The following NPY2R variants were observed in gnomAD, a reference collection of about 807,000 sequenced individuals.
NPY2R encodes neuropeptide Y receptor type 2.
In NPY2R, 17 loss-of-function variants were observed where a neutral mutation model predicts 22.3. That is an observed-to-expected ratio of 0.76 (90% CI 0.52 to 1.14). NPY2R has a LOEUF of 1.14. Ranked by LOEUF, NPY2R falls within the 50% of genes most tolerant of loss-of-function variation. The pLI, the probability that NPY2R is intolerant of heterozygous loss-of-function variation, is 0.00. For missense variants in NPY2R, 424 were observed against 467.9 expected (o/e 0.91, Z 0.87); for synonymous variants, 209 against 183.4 (o/e 1.14, Z -1.13).
chr4:155,214,435 T>C lies in NPY2R; in HGVS notation c.496T>C (p.Phe166Leu). The C allele has an allele frequency of 6.2e-7, 1 of 1,614,020 alleles. No homozygotes were observed. The highest frequency in any genetic ancestry group is 1.7e-4 in the Middle Eastern group (1 of 6,060). Residue 166 changes from phenylalanine (F) to leucine (L), a missense_variant, in exon 2 of 2, where the codon TTC becomes CTC. Transcript: ENST00000329476. ...LESKISKRISFLIIGLAWGIS... is the reference protein window; with the variant it reads ...LESKISKRISLLIIGLAWGIS... ...GAGCAAGATCTCCAAGCGAATCAGC[T>C]TCCTGATTATTGGCTTGGCCTGGGG...
the NPY2R span, among the ~76,000 whole-genome samples, chr4:155,180,846 C>A: frequency 6.6e-6 from 1 of 151,284 alleles, no homozygotes; most frequent in Non-Finnish European, 1.5e-5. Context: ...CATTTTAAAA[C>A]ATATTTATTT....
the NPY2R span, among the ~76,000 whole-genome samples, chr4:155,194,681 T>A: frequency 6.6e-6 from 1 of 151,996 alleles, no homozygotes; most frequent in Non-Finnish European, 1.5e-5. Context: ...TTTGCTATTG[T>A]GAGTAGTGCT....
upstream of NPY2R, among the ~76,000 whole-genome samples, chr4:155,204,714 A>G (rs1438996368): frequency 6.6e-6 from 1 of 152,142 alleles, no homozygotes; most frequent in African/African-American, 2.4e-5. Flanking sequence ...TTTTAAGCTT[A>G]AAAGTTGAGA....
the NPY2R span, among the ~76,000 whole-genome samples, chr4:155,191,366 G>A: frequency 6.6e-6 from 1 of 151,854 alleles, no homozygotes; most frequent in Non-Finnish European, 1.5e-5. Context: ...AGCCAAGCAA[G>A]CTTTCCACCT....
the NPY2R span, among the ~76,000 whole-genome samples, chr4:155,194,370 A>G: frequency 6.6e-6 from 1 of 150,520 alleles, no homozygotes; most frequent in Non-Finnish European, 1.5e-5. Flanking sequence ...AGTCCCCGAC[A>G]GGTAGTTTGT....
chr4:155,212,038 T>C (rs978808014), intron 1 of NPY2R, among the ~76,000 whole-genome samples: 2 of 152,130 alleles, frequency 1.3e-5, no homozygotes, highest in East Asian at 1.9e-4. Flanking sequence ...TCAGCCCTCC[T>C]GTGGTACAGA....
chr4:155,196,749 C>T, the NPY2R span, among the ~76,000 whole-genome samples: 1 of 151,754 alleles, frequency 6.6e-6, no homozygotes, highest in Admixed American at 6.6e-5. Context: ...GAGTGCCTTC[C>T]AGATGTACCA....
the NPY2R span, among the ~76,000 whole-genome samples, chr4:155,194,999 T>A: frequency 5.7e-4 from 86 of 152,076 alleles, no homozygotes; most frequent in Admixed American, 5.2e-4. Flanking sequence ...ATTTTGGGCA[T>A]TTTTTTCACA....
the NPY2R span, among the ~76,000 whole-genome samples, chr4:155,198,988 T>A: frequency 6.6e-6 from 1 of 151,968 alleles, no homozygotes; most frequent in Non-Finnish European, 1.5e-5. Flanking sequence ...TTAAATACCA[T>A]TCAGTTTAAG....
chr4:155,207,141 A>G (rs1169382784), upstream of NPY2R: 1 of 152,188 alleles, frequency 6.6e-6, no homozygotes, highest in Non-Finnish European at 1.5e-5. Context: ...GCATAATTCT[A>G]TATTAACTGA....
At chr4:155,181,773 TTATGGC>T in the NPY2R span, among the ~76,000 whole-genome samples, 2 of 152,132 alleles carry the variant, frequency 1.3e-5, no homozygotes, top group African/African-American at 4.8e-5. Flanking sequence ...ACTACCCAGT[TTATGGC>T]ATTTTGTTTT....
Position 155,213,880 on chromosome 4 carries a change from T to C in NPY2R, c.-48-12T>C, listed in dbSNP as rs1729453992. 1.4e-6 allele frequency: 2 copies of C among 1,398,530 alleles called. No individual in the cohort carries two copies. The highest frequency in any genetic ancestry group is 1.4e-5 in the African/African-American group (1 of 70,694). The allele number at this position is 1,398,530 out of a possible 1,614,324, so 86.6% of individuals were successfully genotyped here. A position where few individuals can be genotyped will look rare whatever the true frequency, so the allele number is the denominator to read the frequency against. ...TGTTGTTGTTTTGTTTTATTTTGTT[T>C]TTTCTTTTTAGGTTGTAGACTCTTG... On this transcript the variant is annotated splice_polypyrimidine_tract_variant and intron_variant, in intron 1 of 1. Coordinates refer to ENST00000329476, the MANE Select transcript of NPY2R (RefSeq NM_000910.4).
Position 155,215,249 on chromosome 4 carries a change from T to A in NPY2R, c.*164T>A. ...TGGAAAACTGGCTGGGCAGAGCCTG[T>A]GTGAAAATACTGGAATTCAAAGATA... On this transcript the variant is annotated 3_prime_UTR_variant, in exon 2 of 2. Transcript: ENST00000329476. The A allele has an allele frequency of 1.3e-6, 1 of 744,202 alleles. No homozygotes were observed. The highest frequency in any genetic ancestry group is 1.6e-5 in the South Asian group (1 of 64,378). The allele number at this position is 744,202 out of a possible 1,614,324, so 46.1% of individuals were successfully genotyped here.
the NPY2R span, among the ~76,000 whole-genome samples, chr4:155,195,228 T>TTC: frequency 6.6e-6 from 1 of 151,678 alleles, no homozygotes; most frequent in African/African-American, 2.4e-5. Flanking sequence ...TCAGATGACA[T>TTC]TCTCTCTCTC....
At position 155,213,890 on chromosome 4, in the gene NPY2R, A is replaced by T. The variant is rs752825006; in HGVS notation, c.-48-2A>T. On this transcript the variant is annotated splice_acceptor_variant, in intron 1 of 1. Transcript: ENST00000329476. LOFTEE classifies it low-confidence loss of function (5UTR_SPLICE). ...TTGTTTTATTTTGTTTTTTCTTTTT[A>T]GGTTGTAGACTCTTGTGCTGGTTGC... The T allele has an allele frequency of 1.4e-6, 2 of 1,442,152 alleles. No individual in the cohort carries two copies. The highest frequency in any genetic ancestry group is 9.8e-7 in the Non-Finnish European group (1 of 1,024,804). The allele number at this position is 1,442,152 out of a possible 1,614,324, so 89.3% of individuals were successfully genotyped here.
chr4:155,196,804 A>G, the NPY2R span, among the ~76,000 whole-genome samples: 1 of 151,914 alleles, frequency 6.6e-6, no homozygotes, highest in Admixed American at 6.6e-5. Context: ...TCATCTGTAT[A>G]CTTATAAAGC....
At chr4:155,183,558 G>T in the NPY2R span, among the ~76,000 whole-genome samples, 1 of 152,124 alleles carries the variant, frequency 6.6e-6, no homozygotes, top group Non-Finnish European at 1.5e-5. Context: ...CAGAGGCATG[G>T]ATCTACATAC....
chr4:155,197,755 G>A, the NPY2R span, among the ~76,000 whole-genome samples: 2 of 151,552 alleles, frequency 1.3e-5, no homozygotes, highest in African/African-American at 4.9e-5. Context: ...TATAGACATG[G>A]TCTGAGAGCA....
At chr4:155,199,313 A>C in the NPY2R span, among the ~76,000 whole-genome samples, 1 of 152,062 alleles carries the variant, frequency 6.6e-6, no homozygotes, top group Non-Finnish European at 1.5e-5. Flanking sequence ...CTAACAAGGG[A>C]CATGAAAGAC....
Sources: allele counts gnomAD v4.1 joint callset (sites outside exome capture counted in the v4.1 genomes callset), GRCh38; gene constraint gnomAD v4.1.1; transcripts MANE v1.5; gene names NCBI Gene and HGNC (gene_info 2026-07-23, HGNC 2026-07-21).